Variants in ELOVL3 observed in about 807,000 individuals in gnomAD.
The protein encoded by ELOVL3 is ELOVL fatty acid elongase 3.
In ELOVL3, 11 loss-of-function variants were observed where a neutral mutation model predicts 14.9. The ratio of observed to expected loss-of-function variants is 0.74; its 90% CI spans 0.46 to 1.22. ELOVL3 has a LOEUF of 1.22. Among genes scored for constraint, ELOVL3 ranks in the 50% most tolerant of loss-of-function variants. The pLI is 0.00. For missense variants in ELOVL3, 277 were observed against 338.9 expected (o/e 0.82, Z 1.43); for synonymous variants, 117 against 124.7 (o/e 0.94, Z 0.41).
intron 1 of ELOVL3, 23 bp from the exon 2 acceptor site, chr10:102,227,603 T>A: frequency 6.2e-7 from 1 of 1,607,388 alleles, no homozygotes; most frequent in Non-Finnish European, 8.5e-7. Flanking sequence ...CATGAGCCCA[T>A]CCCTCTGCCT....
rs2070172133 is a variant in ELOVL3 at position 102,229,155 on chromosome 10, C to T, written c.716C>T (p.Ser239Phe). The change falls in exon 4 of 4, where the codon TCC becomes TTC. Residue 239 changes from serine to phenylalanine, a missense_variant. Physicochemically the swap from Ser to Phe is radical, Grantham distance 155. Transcript: ENST00000370005. ...CHTTMEHLFW[S>F]FILYMTYFIL... ...ACCACGATGGAACACTTATTCTGGT[C>T]CTTCATCTTGTATATGACCTATTTC... 6.2e-7 allele frequency: 1 copy of T among 1,613,930 alleles called. No individual in the cohort carries two copies. The highest frequency in any genetic ancestry group is 8.5e-7 in the Non-Finnish European group (1 of 1,180,024).
rs201871582 is a variant in ELOVL3, at chr10:102,228,463, C to T, written c.280C>T (p.Leu94Phe). The change falls in exon 3 of 4, where the codon CTT becomes TTT. Residue 94 changes from leucine to phenylalanine, a missense_variant. By Grantham distance (22) the Leu-to-Phe change is conservative. Coordinates refer to ENST00000370005, the MANE Select transcript of ELOVL3 (RefSeq NM_152310.3). Reference protein sequence around the residue: ...RMWGIMGTVLLTGGLKQTVCF... With the variant: ...RMWGIMGTVLFTGGLKQTVCF... Reference sequence around the variant, plus strand: ...GTGGGGCATTATGGGGACTGTGCTACTTACCGGGGGCCTAAAGCAAACCGT... The same window carrying T: ...GTGGGGCATTATGGGGACTGTGCTATTTACCGGGGGCCTAAAGCAAACCGT... The T allele has an allele frequency of 9.9e-6, 16 of 1,614,170 alleles. No individual in the cohort carries two copies. The East Asian group carries it at 3.3e-4, about 34-fold the overall frequency.
intron 3 of ELOVL3, 37 bp from the exon 4 acceptor site, chr10:102,228,788 C>G (rs757846552): frequency 1.1e-5 from 18 of 1,577,088 alleles, no homozygotes; most frequent in Non-Finnish European, 1.6e-5. Context: ...GGTCCCAGCA[C>G]TGGGTGGTAT....
Position 102,229,125 on chromosome 10 carries a change from G to A in ELOVL3, c.686G>A (p.Cys229Tyr). ...LTYIWRQDQGCHTTMEHLFWS... is the reference protein window; with the variant it reads ...LTYIWRQDQGYHTTMEHLFWS... Reference sequence around the variant, plus strand: ...TACATCTGGAGGCAGGATCAGGGATGCCACACCACGATGGAACACTTATTC... The same window carrying A: ...TACATCTGGAGGCAGGATCAGGGATACCACACCACGATGGAACACTTATTC... Residue 229 changes from cysteine (C) to tyrosine (Y), a missense_variant, in exon 4 of 4, where the codon TGC becomes TAC. Physicochemically the swap from Cys to Tyr is radical, Grantham distance 194. Coordinates refer to ENST00000370005, the MANE Select transcript of ELOVL3 (RefSeq NM_152310.3). 1 of 1,614,086 alleles carries A rather than the reference G, an allele frequency of 6.2e-7. No individual in the cohort carries two copies. The highest frequency in any genetic ancestry group is 8.5e-7 in the Non-Finnish European group (1 of 1,180,004).
At position 102,228,966 on chromosome 10, in the gene ELOVL3, G is replaced by C. The variant is rs747580757; in HGVS notation, c.527G>C (p.Gly176Ala). ...GGCTGGTTCGTCACCATGAACTTTG[G>C]TGTTCATGCCATCATGTACACCTAC... ...AGGWFVTMNF[G>A]VHAIMYTYYT... Residue 176 changes from glycine (G) to alanine (A), a missense_variant, in exon 4 of 4, where the codon GGT (glycine) becomes GCT (alanine). Coordinates refer to ENST00000370005, the MANE Select transcript of ELOVL3 (RefSeq NM_152310.3). The C allele has an allele frequency of 5.6e-6, 9 of 1,614,118 alleles. No individual in the cohort carries two copies. The East Asian group carries it at 2.0e-4, about 36-fold the overall frequency.
chr10:102,227,550 C>A (rs1358947533), intron 1 of ELOVL3, 76 bp from the exon 2 acceptor site: 4 of 1,523,730 alleles, frequency 2.6e-6, no homozygotes, highest in Non-Finnish European at 3.6e-6. Flanking sequence ...CCAGAGCACT[C>A]ACCTGGAGAG....
chr10:102,227,743 C>T lies in ELOVL3; in HGVS notation c.219C>T (p.Cys73=). 6.2e-7 allele frequency: 1 copy of T among 1,613,816 alleles called. No homozygotes were observed. The highest frequency in any genetic ancestry group is 8.5e-7 in the Non-Finnish European group (1 of 1,179,888). The change falls in exon 2 of 4, where the codon TGC becomes TGT. Residue 73 remains cysteine, a synonymous_variant. Coordinates refer to ENST00000370005, the MANE Select transcript of ELOVL3 (RefSeq NM_152310.3). Reference sequence around the variant, plus strand: ...GGCCTCTCATCCTCTGGTCCTTCTGCCTTGCAATCTTCAGGTAAGACCCCA... The same window carrying T: ...GGCCTCTCATCCTCTGGTCCTTCTGTCTTGCAATCTTCAGGTAAGACCCCA... ...LQGPLILWSF[C]LAIFSILGAV... is the part of the protein sequence containing the mutation.
chr10:102,229,446 TG>T lies in ELOVL3; in HGVS notation c.*195del, dbSNP rs1272360872. The T allele has an allele frequency of 5.1e-6, 3 of 583,402 alleles. No homozygotes were observed. The highest frequency in any genetic ancestry group is 9.0e-6 in the Non-Finnish European group (3 of 334,190). The allele number at this position is 583,402 out of a possible 1,614,324, so 36.1% of individuals were successfully genotyped here. On this transcript the variant is annotated 3_prime_UTR_variant, in exon 4 of 4. Coordinates refer to ENST00000370005, the MANE Select transcript of ELOVL3 (RefSeq NM_152310.3). ...ATGGGGGTGTGGTCTGTTACTTTAA[TG>T]TTTCTGTTTTTAATGTGAAGGCCAA...
Position 102,229,293 on chromosome 10 carries a change from C to G in ELOVL3, c.*41C>G. On this transcript the variant is annotated 3_prime_UTR_variant, in exon 4 of 4. Transcript: ENST00000370005. ...AATGAAGCTCCAGGCTCTCTCTTCT[C>G]CAGGGCACCAAGAGGCTGGGCTTAG... The G allele has an allele frequency of 6.5e-7, 1 of 1,547,902 alleles. No homozygotes were observed. The highest frequency in any genetic ancestry group is 8.7e-7 in the Non-Finnish European group (1 of 1,142,950).
At chr10:102,228,094 C>G (rs1213063737) in intron 2 of ELOVL3, among the ~76,000 whole-genome samples, 1 of 152,108 alleles carries the variant, frequency 6.6e-6, no homozygotes, top group Non-Finnish European at 1.5e-5. Context: ...CATATTTTCT[C>G]CCCCAAACTC....
chr10:102,225,017 C>T (rs1405429163), upstream of ELOVL3, among the ~76,000 whole-genome samples: 1 of 152,134 alleles, frequency 6.6e-6, no homozygotes, highest in Non-Finnish European at 1.5e-5. Flanking sequence ...GATGAGCAAA[C>T]AGAAAGTAGT....
At chr10:102,227,600 C>T in intron 1 of ELOVL3, 26 bp from the exon 2 acceptor site, 1 of 1,606,148 alleles carries the variant, frequency 6.2e-7, no homozygotes, top group Non-Finnish European at 8.5e-7. Flanking sequence ...ACCCATGAGC[C>T]CATCCCTCTG....
chr10:102,226,353 T>G lies in ELOVL3; in HGVS notation c.-196T>G, dbSNP rs2070135397. 2 of 562,248 alleles carry G rather than the reference T, an allele frequency of 3.6e-6. No homozygotes were observed. The highest frequency in any genetic ancestry group is 6.5e-5 in the Admixed American group (2 of 30,688). The allele number at this position is 562,248 out of a possible 1,614,324, so 34.8% of individuals were successfully genotyped here. On this transcript the variant is annotated 5_prime_UTR_variant, in exon 1 of 4. Transcript: ENST00000370005. ...GGCAGCTTTGCAAGTCCGCGTTATATATCGCAGTGGCTGCGCCCGGGATAG... is the reference window on the plus strand; with the variant it reads ...GGCAGCTTTGCAAGTCCGCGTTATAGATCGCAGTGGCTGCGCCCGGGATAG...
chr10:102,225,066 G>C (rs1377790424), upstream of ELOVL3, among the ~76,000 whole-genome samples: 1 of 152,190 alleles, frequency 6.6e-6, no homozygotes, highest in African/African-American at 2.4e-5. Context: ...TATAGGACCA[G>C]AATCTCTGCA....
At chr10:102,227,805 C>A in intron 2 of ELOVL3, 48 bp downstream of exon 2, 1 of 1,600,660 alleles carries the variant, frequency 6.2e-7, no homozygotes, top group Non-Finnish European at 8.5e-7. Context: ...CTTAGACCAC[C>A]ATTCTATCCC....
rs774432163 is a variant in ELOVL3, at chr10:102,227,696, C to T, written c.172C>T (p.Arg58Cys). The T allele has an allele frequency of 1.9e-5, 30 of 1,613,756 alleles. No individual in the cohort carries two copies. The highest frequency in any genetic ancestry group is 8.9e-5 in the East Asian group (4 of 44,850). The change falls in exon 2 of 4, where the codon CGC (arginine) becomes TGC (cysteine). Residue 58 changes from arginine (R) to cysteine (C), a missense_variant. Transcript: ENST00000370005. ...IAVGQNYMKE[R>C]KGFNLQGPLI... ...TGTGGGGCAGAACTACATGAAGGAA[C>T]GCAAGGGCTTCAACCTGCAAGGGCC...
upstream of ELOVL3, chr10:102,226,274 G>T: frequency 4.8e-6 from 2 of 418,534 alleles, no homozygotes; most frequent in African/African-American, 4.2e-5. Flanking sequence ...GGCGTATCTT[G>T]GTCGAGATTG....
At chr10:102,227,958 C>A (rs1052076619) in intron 2 of ELOVL3, among the ~76,000 whole-genome samples, 1 of 152,096 alleles carries the variant, frequency 6.6e-6, no homozygotes, top group Non-Finnish European at 1.5e-5. Flanking sequence ...CTCTTTTAGA[C>A]CCCTACCTGG....
At chr10:102,224,885 G>T (rs1042965406), upstream of ELOVL3, among the ~76,000 whole-genome samples, 1 of 151,912 alleles carries the variant, frequency 6.6e-6, no homozygotes, top group Non-Finnish European at 1.5e-5. Context: ...GGATGGTCTC[G>T]ATCTCCTGAC....
Sources: gnomAD v4.1 joint callset for allele counts (sites outside exome capture counted in the v4.1 genomes callset) on GRCh38, gnomAD v4.1.1 for gene constraint, MANE v1.5 for transcripts, NCBI Gene and HGNC (gene_info 2026-07-23, HGNC 2026-07-21) for gene names.